Variants in CNIH3 observed in about 807,000 individuals in gnomAD.
CNIH3 encodes the protein cornichon family AMPA receptor auxiliary protein 3.
A neutral mutation model predicts 24.1 loss-of-function variants in CNIH3; 14 were observed. The ratio of observed to expected loss-of-function variants is 0.58; its 90% CI spans 0.38 to 0.91. The LOEUF is 0.91. CNIH3 is among the 40% of genes least tolerant of loss of function. CNIH3 has a pLI of 0.00. For synonymous variants in CNIH3, 68 were observed against 73.8 expected (o/e 0.92, Z 0.40); for missense variants, 178 against 196.8 (o/e 0.90, Z 0.57).
Position 224,726,881 on chromosome 1 carries a change from A to T in CNIH3, c.199-3581A>T, listed in dbSNP as rs570140121. Reference sequence around the variant, plus strand: ...TTGGCACCATTCAACAGCTTCTCTTATTAAAAAAAAAAAAGTGTTTTCCAA... The same window carrying T: ...TTGGCACCATTCAACAGCTTCTCTTTTTAAAAAAAAAAAAGTGTTTTCCAA... On this transcript the variant is annotated intron_variant, in intron 3 of 5. Coordinates refer to ENST00000272133, the MANE Select transcript of CNIH3 (RefSeq NM_152495.2). Among the ~76,000 whole-genome samples the T allele has an allele frequency of 2.8e-5, 4 of 141,168 alleles. No individual in the cohort carries two copies. In the South Asian group the frequency reaches 1.0e-3, roughly 35 times the overall value. 92.6% of individuals were successfully genotyped at this position (141,168 alleles called of 152,430 possible).
intron 3 of CNIH3, among the ~76,000 whole-genome samples, chr1:224,707,314 A>G (rs552917921): frequency 3.6e-4 from 55 of 152,154 alleles, no homozygotes; most frequent in African/African-American, 1.2e-3. Flanking sequence ...TTTAAGCACA[A>G]TGTAATCAGG....
intron 1 of CNIH3, among the ~76,000 whole-genome samples, chr1:224,472,212 T>C (rs1228892288): frequency 6.6e-6 from 1 of 152,234 alleles, no homozygotes; most frequent in Non-Finnish European, 1.5e-5. Context: ...TTCCCTTTTC[T>C]CTACATCCTC....
At chr1:224,643,237 T>C (rs1246882630) in intron 1 of CNIH3, among the ~76,000 whole-genome samples, 1 of 152,206 alleles carries the variant, frequency 6.6e-6, no homozygotes, top group African/African-American at 2.4e-5. Context: ...CGAGGCCTGC[T>C]CTGAAGGAGG....
At chr1:224,708,218 C>T (rs1195173637) in intron 3 of CNIH3, among the ~76,000 whole-genome samples, 1 of 151,998 alleles carries the variant, frequency 6.6e-6, no homozygotes, top group South Asian at 2.1e-4. Flanking sequence ...TCCAATCCTC[C>T]TCTCCCATCT....
intron 3 of CNIH3, among the ~76,000 whole-genome samples, chr1:224,559,046 C>A (rs974050795): frequency 6.6e-6 from 1 of 152,158 alleles, no homozygotes; most frequent in African/African-American, 2.4e-5. Context: ...AAACTGGTAC[C>A]TAAAGTACGT....
intron 3 of CNIH3, 31 bp from the exon 4 acceptor site, chr1:224,730,431 A>G: frequency 7.0e-7 from 1 of 1,431,132 alleles, no homozygotes; most frequent in Non-Finnish European, 9.6e-7. Flanking sequence ...TCCTCCTCTA[A>G]CTCAGGGCCG....
intron 1 of CNIH3, among the ~76,000 whole-genome samples, chr1:224,649,345 A>G (rs1192392364): frequency 6.6e-6 from 1 of 152,172 alleles, no homozygotes; most frequent in Non-Finnish European, 1.5e-5. Context: ...CTTCTGCCCT[A>G]GGGCTTCCAG....
At chr1:224,529,619 C>G (rs953207332) in intron 2 of CNIH3, among the ~76,000 whole-genome samples, 3 of 152,142 alleles carry the variant, frequency 2.0e-5, no homozygotes, top group Admixed American at 2.0e-4. Flanking sequence ...CTTATGCTGC[C>G]CCTTCCAGGT....
intron 3 of CNIH3, among the ~76,000 whole-genome samples, chr1:224,555,902 T>C (rs917992741): frequency 5.9e-5 from 9 of 152,236 alleles, no homozygotes; most frequent in Admixed American, 2.0e-4. Context: ...CCTTGTTTCC[T>C]ACAGCTGGCA....
chr1:224,449,310 A>T (rs1675293945), intron 1 of CNIH3, among the ~76,000 whole-genome samples: 2 of 151,762 alleles, frequency 1.3e-5, no homozygotes, highest in Non-Finnish European at 2.9e-5. Flanking sequence ...CACCTCCCGC[A>T]TCTCCTGTGT....
intron 1 of CNIH3, among the ~76,000 whole-genome samples, chr1:224,677,959 G>C (rs1292079680): frequency 6.6e-6 from 1 of 152,196 alleles, no homozygotes; most frequent in Non-Finnish European, 1.5e-5. Context: ...TAACTGTATA[G>C]ATAATAGGTG....
intron 1 of CNIH3, among the ~76,000 whole-genome samples, chr1:224,441,003 A>T (rs1048266583): frequency 3.9e-5 from 6 of 151,962 alleles, no homozygotes; most frequent in African/African-American, 1.5e-4. Context: ...TTTTTAGTAG[A>T]GACAGGGTTT....
At chr1:224,446,213 T>G (rs1207608489) in intron 1 of CNIH3, among the ~76,000 whole-genome samples, 1 of 5,408 alleles carries the variant, frequency 1.8e-4, no homozygotes, top group African/African-American at 2.0e-4. Flanking sequence ...TTCAACTTTG[T>G]TTTTTTTTTT....
intron 2 of CNIH3, chr1:224,529,105 A>C (rs1678961680): frequency 6.6e-6 from 1 of 152,218 alleles, no homozygotes; most frequent in African/African-American, 2.4e-5. Context: ...TCCCACCGGA[A>C]ATGGGAAAGC....
At chr1:224,451,199 C>G (rs1675383818) in intron 1 of CNIH3, among the ~76,000 whole-genome samples, 1 of 152,186 alleles carries the variant, frequency 6.6e-6, no homozygotes, top group Non-Finnish European at 1.5e-5. Context: ...AACTACAAAG[C>G]TCATCGCAGG....
At chr1:224,689,792 G>A (rs1686841540) in intron 3 of CNIH3, among the ~76,000 whole-genome samples, 1 of 152,190 alleles carries the variant, frequency 6.6e-6, no homozygotes, top group Admixed American at 6.5e-5. Flanking sequence ...ATCAGAAAAT[G>A]TGTTCTTTGG....
chr1:224,534,975 C>T (rs779443605), intron 2 of CNIH3, among the ~76,000 whole-genome samples: 11 of 151,704 alleles, frequency 7.3e-5, no homozygotes, highest in Non-Finnish European at 1.5e-5. Context: ...TCAGAAACAC[C>T]AGGTACTCAT....
chr1:224,470,254 G>A (rs1167726979), intron 1 of CNIH3, among the ~76,000 whole-genome samples: 1 of 150,782 alleles, frequency 6.6e-6, no homozygotes, highest in African/African-American at 2.4e-5. Flanking sequence ...TCCTGACCTT[G>A]TGAGCTACCT....
chr1:224,643,378 A>G (rs1450662587), intron 1 of CNIH3, among the ~76,000 whole-genome samples: 1 of 152,228 alleles, frequency 6.6e-6, no homozygotes, highest in Non-Finnish European at 1.5e-5. Flanking sequence ...CATGAGGCTC[A>G]TCTAGATTTA....
Sources: gnomAD v4.1 joint callset for allele counts (sites outside exome capture counted in the v4.1 genomes callset) on GRCh38, gnomAD v4.1.1 for gene constraint, MANE v1.5 for transcripts, NCBI Gene and HGNC (gene_info 2026-07-23, HGNC 2026-07-21) for gene names.